The following NBN variants were observed in gnomAD, a reference collection of about 807,000 sequenced individuals.
NBN encodes nibrin, also known as Nijmegen breakage syndrome 1 (nibrin).
Under a neutral mutation model 90.8 loss-of-function variants are expected in NBN, and 88 were observed. That is an observed-to-expected ratio of 0.97 (90% CI 0.82 to 1.16). The LOEUF (loss-of-function observed/expected upper bound fraction) is 1.16. Ranked by LOEUF, NBN falls within the 50% of genes most tolerant of loss-of-function variation. The pLI, the probability that NBN is intolerant of heterozygous loss-of-function variation, is 0.00. For synonymous variants in NBN, 328 were observed against 295.1 expected, an observed-to-expected ratio of 1.11 and a Z score of -1.14; for missense variants, 894 against 869.6, an observed-to-expected ratio of 1.03 and a Z score of -0.35.
rs1359834144 is a variant in NBN, at chr8:89,934,242, C to T, written c.*1340G>A. The T allele has an allele frequency of 4.3e-6, 1 of 231,818 alleles. No homozygotes were observed. The highest frequency in any genetic ancestry group is 2.2e-5 in the African/African-American group (1 of 45,254). The allele number at this position is 231,818 out of a possible 1,614,324, so 14.4% of individuals were successfully genotyped here. On this transcript the variant is annotated 3_prime_UTR_variant, in exon 16 of 16. Coordinates refer to ENST00000265433, the MANE Select transcript of NBN (RefSeq NM_002485.5). ...CTAATATGCCCTGTCAATTCTACTT[C>T]TAAAGTATCCCATGTTCTATCCAAT...
chr8:89,948,011 G>T, intron 11 of NBN, 119 bp from the exon 12 acceptor site: 1 of 594,672 alleles, frequency 1.7e-6, no homozygotes, highest in South Asian at 2.3e-5. Context: ...AAACTTAAGA[G>T]ATATTCATGT....
intron 8 of NBN, among the ~76,000 whole-genome samples, chr8:89,963,614 C>G (rs1043359833): frequency 6.6e-6 from 1 of 152,116 alleles, no homozygotes; most frequent in Admixed American, 6.6e-5. Flanking sequence ...AAAGGGGAAA[C>G]AGTGACTGTC....
chr8:89,983,843 T>A (rs756422020), intron 1 of NBN, among the ~76,000 whole-genome samples: 2 of 152,020 alleles, frequency 1.3e-5, no homozygotes, highest in Non-Finnish European at 2.9e-5. Context: ...CAGTATAAAA[T>A]TTATTTAGTT....
At chr8:89,978,924 A>G (rs1051694780) in intron 4 of NBN, among the ~76,000 whole-genome samples, 14 of 152,236 alleles carry the variant, frequency 9.2e-5, no homozygotes, top group Non-Finnish European at 1.6e-4. Flanking sequence ...AAAATATGAC[A>G]AACATTAGAA....
In NBN at chr8:89,970,519, C is replaced by T. The variant is rs747021126; in HGVS notation, c.741G>A (p.Gly247=). ...KLSSAVVFGG[G]EARLITEENE... ...TCTCTTCTGTTATCAACCTAGCTTC[C>T]CCACCTCCAAAGACAACTGCGGAAC... Residue 247 remains glycine (G), a synonymous_variant, in exon 7 of 16, where the codon GGG becomes GGA. Coordinates refer to ENST00000265433, the MANE Select transcript of NBN (RefSeq NM_002485.5). 5 of 1,613,806 alleles carry T rather than the reference C, an allele frequency of 3.1e-6. No homozygotes were observed. Among genetic ancestry groups the T allele is most frequent in the Non-Finnish European group, 4.2e-6 (5 of 1,179,828 alleles).
intron 10 of NBN, 53 bp downstream of exon 10, chr8:89,955,230 A>T: frequency 3.9e-6 from 6 of 1,547,730 alleles, no homozygotes; most frequent in East Asian, 2.2e-5. Context: ...ACAACAGTAT[A>T]AAAAACTTTC....
At chr8:89,960,145 A>C (rs1349979372) in intron 8 of NBN, among the ~76,000 whole-genome samples, 1 of 152,208 alleles carries the variant, frequency 6.6e-6, no homozygotes. Context: ...ACCTAAGCTA[A>C]ATTATCATTC....
chr8:89,957,419 T>G (rs1810775172), intron 9 of NBN, among the ~76,000 whole-genome samples: 3 of 152,250 alleles, frequency 2.0e-5, no homozygotes, highest in Admixed American at 2.0e-4. Context: ...TGTTTTAAGC[T>G]AGGTATTATT....
At position 89,953,383 on chromosome 8, in the gene NBN, T is replaced by A; in HGVS notation, c.1706A>T (p.Asp569Val). 4 of 1,613,772 alleles carry A rather than the reference T, an allele frequency of 2.5e-6. No homozygotes were observed. Among genetic ancestry groups the A allele is most frequent in the Non-Finnish European group, 3.4e-6 (4 of 1,179,836 alleles). Residue 569 changes from aspartate to valine, a missense_variant, in exon 11 of 16, where the codon GAC (aspartate) becomes GTC (valine). Transcript: ENST00000265433. ...ATCAATTTCTAACTCTGGTTTTGTG[T>A]CCTTGAATAACTGTTCCAATACTTC... is the stretch of plus-strand genomic sequence containing the variant. The part of the protein sequence containing the change: ...EDEVLEQLFK[D>V]TKPELEIDVK...
intron 14 of NBN, 112 bp downstream of exon 14, chr8:89,943,141 A>C: frequency 9.1e-7 from 1 of 1,099,998 alleles, no homozygotes. Context: ...TCCTGAATGA[A>C]TGACTTTATG....
chr8:89,976,301 A>T (rs1186763032), intron 5 of NBN, among the ~76,000 whole-genome samples: 3 of 152,192 alleles, frequency 2.0e-5, no homozygotes, highest in African/African-American at 7.2e-5. Flanking sequence ...GAGTTCAGTC[A>T]GGGTGGTGGG....
At chr8:89,981,686 A>G in intron 2 of NBN, 163 bp from the exon 3 acceptor site, 1 of 708,410 alleles carries the variant, frequency 1.4e-6, no homozygotes, top group East Asian at 2.7e-5. Context: ...CACTCAACTA[A>G]CAATTCATAT....
At chr8:89,971,115 T>C in intron 6 of NBN, 58 bp downstream of exon 6, 6 of 1,524,004 alleles carry the variant, frequency 3.9e-6, no homozygotes, top group South Asian at 2.3e-5. Flanking sequence ...TAAGAGTTAA[T>C]AATGTATCCT....
At chr8:89,956,721 T>C (rs1810733327) in intron 9 of NBN, among the ~76,000 whole-genome samples, 1 of 152,240 alleles carries the variant, frequency 6.6e-6, no homozygotes, top group South Asian at 2.1e-4. Flanking sequence ...GTTGCCAAAC[T>C]ACAGCCTGTA....
rs1563538492 is a variant in NBN at position 89,958,731 on chromosome 8, T to C, written c.1118A>G (p.Asp373Gly). The change falls in exon 9 of 16, where the codon GAT becomes GGT. Residue 373 changes from aspartate to glycine, a missense_variant. Coordinates refer to ENST00000265433, the MANE Select transcript of NBN (RefSeq NM_002485.5). ...GGTAATGAAGAAGCTTTACCATGTA[T>C]CTGCTTGCTCTGATTCTGTGTCAGC... is the stretch of plus-strand genomic sequence containing the variant. ...YVADTESEQA[D>G]TWDLSERPKE... 6.2e-7 allele frequency: 1 copy of C among 1,614,040 alleles called. No homozygotes were observed. The highest frequency in any genetic ancestry group is 8.5e-7 in the Non-Finnish European group (1 of 1,179,910).
intron 14 of NBN, among the ~76,000 whole-genome samples, chr8:89,941,581 A>T (rs976968789): frequency 1.3e-5 from 2 of 152,184 alleles, no homozygotes; most frequent in East Asian, 3.8e-4. Flanking sequence ...CTTCAGTTTA[A>T]CTTCCTCCTA....
At chr8:89,952,760 GAA>G (rs1194907709) in intron 11 of NBN, among the ~76,000 whole-genome samples, 1 of 152,034 alleles carries the variant, frequency 6.6e-6, no homozygotes, top group Non-Finnish European at 1.5e-5. Flanking sequence ...ATACAAAAAA[GAA>G]AATAATCTCA....
chr8:89,972,237 C>G (rs141038704), intron 5 of NBN, among the ~76,000 whole-genome samples: 346 of 152,340 alleles, frequency 2.3e-3, no homozygotes, highest in African/African-American at 7.7e-3. Flanking sequence ...TGGAAACATA[C>G]ATATTTCATA....
Position 89,971,024 on chromosome 8 carries a change from A to G in NBN, c.702+149T>C, listed in dbSNP as rs3026271. 38,694 of 728,674 alleles carry G rather than the reference A, an allele frequency of 0.053. 1,341 individuals are homozygous for G. Among genetic ancestry groups the G allele is most frequent in the Non-Finnish European group, 0.066 (30,088 of 456,500 alleles). 45.1% of individuals were successfully genotyped at this position (728,674 alleles called of 1,614,324 possible). A position where few individuals can be genotyped will look rare whatever the true frequency, so the allele number is the denominator to read the frequency against. On this transcript the variant is annotated intron_variant, in intron 6 of 15. Transcript: ENST00000265433. ...GTAATCACAGCCATGATCACTGGGC[A>G]GGTCTGGTGCCTGGGGTTTTTTTAT...
Sources: gnomAD v4.1 joint callset for allele counts (sites outside exome capture counted in the v4.1 genomes callset) on GRCh38, gnomAD v4.1.1 for gene constraint, MANE v1.5 for transcripts, NCBI Gene and HGNC (gene_info 2026-07-23, HGNC 2026-07-21) for gene names.